The following ANK3 variants were observed in gnomAD, a reference collection of about 807,000 sequenced individuals.
ANK3 encodes ankyrin-3.
In ANK3, 57 loss-of-function variants were observed where a neutral mutation model predicts 370.9. The ratio of observed to expected loss-of-function variants is 0.15; its 90% CI spans 0.12 to 0.19. The LOEUF is 0.19. ANK3 is among the 10% of genes least tolerant of loss of function. The probability of loss-of-function intolerance (pLI) is 1.00; values close to 1 mark genes in which losing one functional copy is unlikely to be tolerated. For synonymous variants in ANK3, 1,929 were observed against 1,946.3 expected (o/e 0.99, Z 0.23); for missense variants, 4,439 against 5,302.1 (o/e 0.84, Z 5.06).
intron 2 of ANK3, among the ~76,000 whole-genome samples, chr10:60,407,223 G>A (rs1202426940): frequency 6.6e-6 from 1 of 151,858 alleles, no homozygotes; most frequent in Non-Finnish European, 1.5e-5. Flanking sequence ...TTATTTCTTG[G>A]TGCCAAGCTG....
chr10:60,160,075 T>C (rs1414438243), intron 23 of ANK3, among the ~76,000 whole-genome samples: 1 of 150,634 alleles, frequency 6.6e-6, no homozygotes, highest in African/African-American at 2.4e-5. Context: ...AACATCAGAG[T>C]AGGAAAAATT....
At chr10:60,234,377 A>T (rs2097297586) in intron 8 of ANK3, among the ~76,000 whole-genome samples, 1 of 152,190 alleles carries the variant, frequency 6.6e-6, no homozygotes, top group Non-Finnish European at 1.5e-5. Context: ...ATTTGTTTCT[A>T]AATAGAATAA....
At chr10:60,699,113 T>C (rs1213069012) in intron 1 of ANK3, among the ~76,000 whole-genome samples, 1 of 150,738 alleles carries the variant, frequency 6.6e-6, no homozygotes, top group Non-Finnish European at 1.5e-5. Flanking sequence ...TACAAGGGAA[T>C]TTAGGAACTT....
intron 2 of ANK3, among the ~76,000 whole-genome samples, chr10:60,573,619 A>G (rs2077644849): frequency 6.6e-6 from 1 of 152,196 alleles, no homozygotes; most frequent in South Asian, 2.1e-4. Context: ...ACCTGGGTGG[A>G]AACCCCCTCA....
chr10:60,140,158 A>G (rs763009001), intron 23 of ANK3: 14 of 605,706 alleles, frequency 2.3e-5, no homozygotes, highest in Non-Finnish European at 3.7e-5. Flanking sequence ...CAGCTTTTAA[A>G]CTACCAATCA....
At chr10:60,331,749 A>G (rs1016638607) in intron 1 of ANK3, among the ~76,000 whole-genome samples, 1 of 152,166 alleles carries the variant, frequency 6.6e-6, no homozygotes, top group Non-Finnish European at 1.5e-5. Flanking sequence ...TCAATAAAAC[A>G]AATTAATTTT....
At chr10:60,239,056 T>C (rs560555954) in intron 7 of ANK3, among the ~76,000 whole-genome samples, 4 of 152,212 alleles carry the variant, frequency 2.6e-5, no homozygotes, top group South Asian at 2.1e-4. Flanking sequence ...GCAGGATCCA[T>C]TGAACTTACA....
intron 2 of ANK3, among the ~76,000 whole-genome samples, chr10:60,587,316 A>C (rs1052098828): frequency 6.6e-6 from 1 of 152,210 alleles, no homozygotes; most frequent in African/African-American, 2.4e-5. Context: ...AAGTCTAACC[A>C]TATCATTAGG....
At chr10:60,143,671 T>A (rs1008308264) in intron 23 of ANK3, among the ~76,000 whole-genome samples, 1 of 152,214 alleles carries the variant, frequency 6.6e-6, no homozygotes, top group Non-Finnish European at 1.5e-5. Flanking sequence ...GCCTCACCCT[T>A]ACCTCCAATG....
At chr10:60,165,485 G>C (rs1482831261) in intron 23 of ANK3, among the ~76,000 whole-genome samples, 1 of 152,120 alleles carries the variant, frequency 6.6e-6, no homozygotes, top group Non-Finnish European at 1.5e-5. Flanking sequence ...CAGATCCTCC[G>C]AGGTCCCTAA....
chr10:60,242,782 T>C (rs947867730), intron 7 of ANK3, among the ~76,000 whole-genome samples: 1 of 152,218 alleles, frequency 6.6e-6, no homozygotes, highest in African/African-American at 2.4e-5. Flanking sequence ...TTTTGTCTCA[T>C]TTAATATACA....
intron 1 of ANK3, among the ~76,000 whole-genome samples, chr10:60,369,335 G>A (rs902521151): frequency 2.0e-5 from 3 of 152,130 alleles, no homozygotes; most frequent in Admixed American, 6.6e-5. Context: ...AAACATTGCC[G>A]AGAATGCAAC....
chr10:60,234,523 T>G (rs1259029500), intron 8 of ANK3, among the ~76,000 whole-genome samples, 165 bp downstream of exon 8: 2 of 152,202 alleles, frequency 1.3e-5, no homozygotes, highest in Non-Finnish European at 2.9e-5. Context: ...TATAGATGGA[T>G]GGCCATACCA....
chr10:60,436,575 A>G (rs961131700), intron 2 of ANK3, among the ~76,000 whole-genome samples: 5 of 152,148 alleles, frequency 3.3e-5, no homozygotes, highest in African/African-American at 9.7e-5. Context: ...AGAATCTTTC[A>G]TGTCGTTGTT....
chr10:60,695,670 G>T (rs1336401741), intron 1 of ANK3, among the ~76,000 whole-genome samples: 3 of 152,180 alleles, frequency 2.0e-5, no homozygotes, highest in African/African-American at 4.8e-5. Flanking sequence ...ATAATGAAAT[G>T]AAGGCAGAAA....
chr10:60,308,434 C>A (rs2045649841), intron 1 of ANK3, among the ~76,000 whole-genome samples: 1 of 151,796 alleles, frequency 6.6e-6, no homozygotes, highest in Non-Finnish European at 1.5e-5. Flanking sequence ...CACCAGCACG[C>A]CTGGCTAATT....
chr10:60,114,476 A>G (rs1440701877), intron 25 of ANK3, 145 bp from the exon 26 acceptor site: 1 of 429,848 alleles, frequency 2.3e-6, no homozygotes, highest in Non-Finnish European at 4.1e-6. Context: ...CTCTATAGAA[A>G]TACATTGAAA....
intron 11 of ANK3, among the ~76,000 whole-genome samples, 184 bp from the exon 12 acceptor site, chr10:60,203,284 G>GT (rs1430811209): frequency 6.6e-6 from 1 of 152,032 alleles, no homozygotes; most frequent in Non-Finnish European, 1.5e-5. Flanking sequence ...TATAATCATC[G>GT]TTTTCCTAAA....
chr10:60,365,884 T>C (rs2059320088), intron 1 of ANK3, among the ~76,000 whole-genome samples: 1 of 152,000 alleles, frequency 6.6e-6, no homozygotes, highest in Admixed American at 6.6e-5. Context: ...ACTATGATTG[T>C]GTCAGCAGCA....
Sources: gnomAD v4.1 joint callset for allele counts (sites outside exome capture counted in the v4.1 genomes callset) on GRCh38, gnomAD v4.1.1 for gene constraint, MANE v1.5 for transcripts, NCBI Gene and HGNC (gene_info 2026-07-23, HGNC 2026-07-21) for gene names.